LIMCH1: variants seen among roughly 807,000 people sequenced by gnomAD.
LIMCH1 encodes the protein LIM and calponin homology domains 1, also known as LIM and calponin homology domains-containing protein 1.
In LIMCH1, 113 loss-of-function variants were observed where a neutral mutation model predicts 176.5. That is an observed-to-expected ratio of 0.64 (90% CI 0.55 to 0.75). The LOEUF is 0.75. Ranked by LOEUF, LIMCH1 falls within the 30% of genes least tolerant of loss-of-function variation. The pLI is 0.00. For missense variants in LIMCH1, 1,674 were observed against 1,814.9 expected, an observed-to-expected ratio of 0.92 and a Z score of 1.41; for synonymous variants, 619 against 645.9, an observed-to-expected ratio of 0.96 and a Z score of 0.63.
At chr4:41,408,462 T>C (rs2059185361) in intron 1 of LIMCH1, among the ~76,000 whole-genome samples, 1 of 152,182 alleles carries the variant, frequency 6.6e-6, no homozygotes, top group African/African-American at 2.4e-5. Flanking sequence ...CCATTTTAGA[T>C]GAGGAAATGG....
chr4:41,531,960 G>T (rs2077373245), intron 3 of LIMCH1, among the ~76,000 whole-genome samples: 1 of 152,146 alleles, frequency 6.6e-6, no homozygotes, highest in Admixed American at 6.5e-5. Flanking sequence ...ACATTGTGAG[G>T]TTTCTCAGCC....
At chr4:41,459,916 C>T (rs969880866) in intron 1 of LIMCH1, among the ~76,000 whole-genome samples, 5 of 152,150 alleles carry the variant, frequency 3.3e-5, no homozygotes, top group Admixed American at 2.0e-4. Flanking sequence ...CCACCTGAGG[C>T]GAAGATAGGG....
At chr4:41,603,277 T>G (rs2090233860) in intron 2 of LIMCH1, among the ~76,000 whole-genome samples, 1 of 147,412 alleles carries the variant, frequency 6.8e-6, no homozygotes, top group African/African-American at 2.7e-5. Flanking sequence ...AGCTTTTTTG[T>G]TTATAGTTAG....
intron 2 of LIMCH1, among the ~76,000 whole-genome samples, chr4:41,519,617 G>A (rs915343734): frequency 6.6e-6 from 1 of 152,126 alleles, no homozygotes; most frequent in African/African-American, 2.4e-5. Context: ...TCTAAAGGTG[G>A]CCAGAGAAAG....
chr4:41,400,388 G>T (rs574115105), intron 1 of LIMCH1, among the ~76,000 whole-genome samples: 1 of 152,188 alleles, frequency 6.6e-6, no homozygotes, highest in South Asian at 2.1e-4. Flanking sequence ...TTTTTTTCCA[G>T]TTTTTTGTTC....
chr4:41,688,741 A>T (rs2153074730), intron 29 of LIMCH1: 1 of 152,394 alleles, frequency 6.6e-6, no homozygotes, highest in East Asian at 1.9e-4. Context: ...GTATCCTCTC[A>T]CCTGGTTTTG....
chr4:41,474,297 G>T (rs913182047), intron 1 of LIMCH1, among the ~76,000 whole-genome samples: 1 of 152,210 alleles, frequency 6.6e-6, no homozygotes, highest in Admixed American at 6.5e-5. Context: ...GACCAGCCTG[G>T]CCAATGTGGT....
At chr4:41,525,199 T>C (rs1475265122) in intron 3 of LIMCH1, among the ~76,000 whole-genome samples, 1 of 152,204 alleles carries the variant, frequency 6.6e-6, no homozygotes, top group Non-Finnish European at 1.5e-5. Flanking sequence ...CAATCAAATC[T>C]TAGTTTTGGA....
intron 14 of LIMCH1, 96 bp from the exon 15 acceptor site, chr4:41,644,404 C>A: frequency 7.2e-7 from 1 of 1,383,476 alleles, no homozygotes; most frequent in Non-Finnish European, 9.5e-7. Flanking sequence ...GTTTTCCAAG[C>A]CCGGTAGCGC....
intron 1 of LIMCH1, among the ~76,000 whole-genome samples, chr4:41,565,392 C>G (rs1272817122): frequency 2.0e-4 from 30 of 146,416 alleles, no homozygotes; most frequent in African/African-American, 7.8e-4. Flanking sequence ...CATACACACA[C>G]ACACAGACAC....
At chr4:41,396,698 C>T (rs1472559196) in intron 1 of LIMCH1, among the ~76,000 whole-genome samples, 4 of 151,864 alleles carry the variant, frequency 2.6e-5, no homozygotes, top group Admixed American at 6.6e-5. Flanking sequence ...GTCAGGAGTT[C>T]GAGACCAGCC....
chr4:41,362,590 A>G (rs1404758089), intron 1 of LIMCH1, among the ~76,000 whole-genome samples: 1 of 152,188 alleles, frequency 6.6e-6, no homozygotes, highest in East Asian at 1.9e-4. Context: ...TTTATTCTCA[A>G]TTTCCTTAAC....
chr4:41,361,024 T>TC (rs1205961922), intron 1 of LIMCH1: 3 of 879,736 alleles, frequency 3.4e-6, no homozygotes, highest in East Asian at 3.3e-5. Flanking sequence ...CAGCCTTGCC[T>TC]CCCCCCAACC....
Position 41,629,725 on chromosome 4 carries a change from A to C in LIMCH1, c.1262A>C (p.Glu421Ala). 6.5e-7 allele frequency: 1 copy of C among 1,535,594 alleles called. No homozygotes were observed. Among genetic ancestry groups the C allele is most frequent in the Admixed American group, 2.0e-5 (1 of 50,996 alleles). Residue 421 changes from glutamate to alanine, a missense_variant, in exon 9 of 32, where the codon GAA (glutamate) becomes GCA (alanine). By Grantham distance (107) the Glu-to-Ala change is moderately radical. Transcript: ENST00000503057. The part of the protein sequence containing the change: ...LETWERLKVS[E>A]KARDGDVQHI... ...ACGTGGGAGAGACTCAAAGTGTCAG[A>C]AAAGGCGAGGTGTGTCATGTTTCCC... is the stretch of plus-strand genomic sequence containing the variant.
intron 2 of LIMCH1, among the ~76,000 whole-genome samples, chr4:41,600,939 CT>C (rs2089814553): frequency 6.6e-6 from 1 of 151,966 alleles, no homozygotes; most frequent in East Asian, 1.9e-4. Context: ...GTCTTTTTTT[CT>C]GTCTCCTTTT....
chr4:41,604,043 C>A, intron 3 of LIMCH1, 138 bp downstream of exon 3: 1 of 902,586 alleles, frequency 1.1e-6, no homozygotes, highest in Non-Finnish European at 1.6e-6. Context: ...AGTTAATGAC[C>A]ATGATAGAAA....
chr4:41,501,637 C>CAGGA (rs2073287327), intron 2 of LIMCH1, among the ~76,000 whole-genome samples: 1 of 152,104 alleles, frequency 6.6e-6, no homozygotes, highest in Non-Finnish European at 1.5e-5. Context: ...AGAGAAGGGA[C>CAGGA]AGGCTTCCTT....
chr4:41,626,025 A>G (rs112539640), intron 7 of LIMCH1, among the ~76,000 whole-genome samples: 4 of 152,278 alleles, frequency 2.6e-5, no homozygotes, highest in African/African-American at 9.6e-5. Flanking sequence ...TCTTAAAAAA[A>G]AGAAAAAGAA....
chr4:41,389,302 T>A (rs931477681), intron 1 of LIMCH1: 2 of 152,434 alleles, frequency 1.3e-5, no homozygotes, highest in African/African-American at 4.8e-5. Context: ...GTGAAACTGA[T>A]AAGGCCCAAT....
Sources: allele counts gnomAD v4.1 joint callset (sites outside exome capture counted in the v4.1 genomes callset), GRCh38; gene constraint gnomAD v4.1.1; transcripts MANE v1.5; gene names NCBI Gene and HGNC (gene_info 2026-07-23, HGNC 2026-07-21).